Variants in CNIH4 observed in about 807,000 individuals in gnomAD.
CNIH4 encodes cornichon family member 4, also known as protein cornichon homolog 4.
In CNIH4, 9 loss-of-function variants were observed where a neutral mutation model predicts 21.5. That is an observed-to-expected ratio of 0.42 (90% confidence interval 0.25 to 0.73). The LOEUF (loss-of-function observed/expected upper bound fraction) is 0.73. CNIH4 is among the 30% of genes least tolerant of loss of function. The pLI is 0.27. For synonymous variants in CNIH4, 67 were observed against 59.1 expected (o/e 1.13, Z -0.61); for missense variants, 159 against 170.0 (o/e 0.94, Z 0.36).
rs4654036 is a variant in CNIH4, at chr1:224,377,588, C to T, written c.*1766C>T. 0.57 allele frequency: 86,180 copies of T among 151,168 alleles called. 28,337 individuals carry two copies. The highest frequency in any genetic ancestry group is 0.97 in the East Asian group (4,943 of 5,120). The allele number at this position is 151,168 out of a possible 1,614,324, so 9.4% of individuals were successfully genotyped here. On this transcript the variant is annotated 3_prime_UTR_variant, in exon 5 of 5. Coordinates refer to ENST00000465271, the MANE Select transcript of CNIH4 (RefSeq NM_014184.4). Reference sequence around the variant, plus strand: ...GCAACCTCTGCTTTCTGGGTTCAAGCGATTCTCCTGCCTCAGCCTCCCAAG... The same window carrying T: ...GCAACCTCTGCTTTCTGGGTTCAAGTGATTCTCCTGCCTCAGCCTCCCAAG...
chr1:224,356,982 T>G lies in CNIH4; in HGVS notation c.58T>G (p.Ser20Ala). 1.2e-6 allele frequency: 2 copies of G among 1,611,796 alleles called. No individual in the cohort carries two copies. The highest frequency in any genetic ancestry group is 1.7e-6 in the Non-Finnish European group (2 of 1,179,086). Residue 20 changes from serine (S) to alanine (A), a missense_variant, in exon 1 of 5, where the codon TCG becomes GCG. By Grantham distance (99) the Ser-to-Ala change is moderately conservative. Coordinates refer to ENST00000465271, the MANE Select transcript of CNIH4 (RefSeq NM_014184.4). ...CGATTGTTGCGCGCTCATCTTCCTC[T>G]CGGTCTACTTCGTATCCTTGCCTGA... The part of the protein sequence containing the change: ...LLDCCALIFL[S>A]VYFIITLSDL...
chr1:224,370,416 A>G (rs962721810), intron 3 of CNIH4, among the ~76,000 whole-genome samples: 1 of 152,208 alleles, frequency 6.6e-6, no homozygotes, highest in Non-Finnish European at 1.5e-5. Context: ...TGTGACAACT[A>G]AGGTTGTACT....
At chr1:224,374,134 G>A (rs889181002) in intron 4 of CNIH4, among the ~76,000 whole-genome samples, 10 of 152,164 alleles carry the variant, frequency 6.6e-5, no homozygotes, top group Non-Finnish European at 1.5e-4. Context: ...TTTGGTTGCT[G>A]TTTTTAAACA....
intron 2 of CNIH4, among the ~76,000 whole-genome samples, chr1:224,361,914 C>G (rs1202906042): frequency 1.3e-5 from 2 of 152,092 alleles, no homozygotes; most frequent in Non-Finnish European, 2.9e-5. Context: ...AAGGTAACTG[C>G]CAATTAAATT....
intron 3 of CNIH4, among the ~76,000 whole-genome samples, chr1:224,367,751 C>T (rs1672508716): frequency 6.6e-6 from 1 of 152,176 alleles, no homozygotes; most frequent in Admixed American, 6.5e-5. Context: ...GACCAACGCC[C>T]TAAAGTGAGC....
chr1:224,373,107 G>C (rs866361855), intron 4 of CNIH4, among the ~76,000 whole-genome samples: 7 of 152,088 alleles, frequency 4.6e-5, no homozygotes, highest in South Asian at 2.1e-4. Context: ...ACTGGTATCA[G>C]TTTCTGATTC....
At position 224,374,408 on chromosome 1, in the gene CNIH4, C is replaced by T. The variant is rs561347177; in HGVS notation, c.393-1387C>T. 2.2e-3 allele frequency among the ~76,000 whole-genome samples: 332 copies of T among 150,950 alleles called. 1 individual carries two copies. The Middle Eastern group carries it at 0.032, about 14-fold the overall frequency. On this transcript the variant is annotated intron_variant, in intron 4 of 4. Transcript: ENST00000465271. ...TTACACTGTGGCCTGGGGCAAGTTT[C>T]GTTTCTTTTTTTTTTTTCTTTTGAG...
Position 224,376,627 on chromosome 1 carries a change from G to T in CNIH4, c.*805G>T, listed in dbSNP as rs1035443176. The T allele has an allele frequency of 1.2e-5, 12 of 985,284 alleles. No individual in the cohort carries two copies. The African/African-American group carries it at 1.9e-4, about 16-fold the overall frequency. 61.0% of individuals were successfully genotyped at this position (985,284 alleles called of 1,614,324 possible). ...AAGATGCTAATCAGATTAGAAGCAG[G>T]AATAGTTATTTGCTGTCTGTGAAAT... is the stretch of plus-strand genomic sequence containing the variant. On this transcript the variant is annotated 3_prime_UTR_variant, in exon 5 of 5. Transcript: ENST00000465271.
At chr1:224,357,239 C>A (rs1403417087) in intron 1 of CNIH4, 4 of 438,540 alleles carry the variant, frequency 9.1e-6, no homozygotes, top group Non-Finnish European at 1.2e-5. Flanking sequence ...CCGCCCCTCA[C>A]TCGGGTCCGA....
intron 2 of CNIH4, 59 bp downstream of exon 2, chr1:224,360,622 GATT>G: frequency 1.2e-6 from 1 of 810,090 alleles, no homozygotes; most frequent in South Asian, 2.5e-5. Context: ...CCATACTTAA[GATT>G]ATTATAGATA....
rs1672791173 is a variant in CNIH4, at chr1:224,376,719, G to C, written c.*897G>C. 4 of 985,426 alleles carry C rather than the reference G, an allele frequency of 4.1e-6. No individual in the cohort carries two copies. Among genetic ancestry groups the C allele is most frequent in the Middle Eastern group, 5.2e-4 (1 of 1,914 alleles). The allele number at this position is 985,426 out of a possible 1,614,324, so 61.0% of individuals were successfully genotyped here. A position where few individuals can be genotyped will look rare whatever the true frequency, so the allele number is the denominator to read the frequency against. On this transcript the variant is annotated 3_prime_UTR_variant, in exon 5 of 5. Transcript: ENST00000465271. ...TATCCCTCTGCACTGACCACGTTGT[G>C]AACTGGGAGACCAAATGCAAGCCAT... is the stretch of plus-strand genomic sequence containing the variant.
At chr1:224,371,671 G>A (rs1174681723) in intron 4 of CNIH4, among the ~76,000 whole-genome samples, 3 of 152,138 alleles carry the variant, frequency 2.0e-5, no homozygotes, top group Non-Finnish European at 1.5e-5. Flanking sequence ...AACAGGGCAC[G>A]GTGACTTACG....
intron 3 of CNIH4, among the ~76,000 whole-genome samples, chr1:224,371,041 T>A (rs1190808963): frequency 6.6e-6 from 1 of 152,116 alleles, no homozygotes; most frequent in Non-Finnish European, 1.5e-5. Flanking sequence ...CATGCCCAGC[T>A]AATTTTTGTA....
At position 224,364,495 on chromosome 1, in the gene CNIH4, C is replaced by T. The variant is rs1012983672; in HGVS notation, c.139-1384C>T. On this transcript the variant is annotated intron_variant, in intron 2 of 4. Transcript: ENST00000465271. ...TATTTTACAGATGAAAACATTGTGG[C>T]TTAGAGAGGGTAACTTTTCCCAAGA... 2.0e-5 allele frequency: 11 copies of T among 556,550 alleles called. No individual in the cohort carries two copies. In the African/African-American group the frequency reaches 2.2e-4, roughly 11 times the overall value. The allele number at this position is 556,550 out of a possible 1,614,324, so 34.5% of individuals were successfully genotyped here. A position where few individuals can be genotyped will look rare whatever the true frequency, so the allele number is the denominator to read the frequency against.
Position 224,378,931 on chromosome 1 carries a change from C to A in CNIH4, c.*3109C>A. 2 of 796,774 alleles carry A rather than the reference C, an allele frequency of 2.5e-6. No homozygotes were observed. The highest frequency in any genetic ancestry group is 2.1e-5 in the Admixed American group (1 of 47,134). The allele number at this position is 796,774 out of a possible 1,614,324, so 49.4% of individuals were successfully genotyped here. On this transcript the variant is annotated 3_prime_UTR_variant, in exon 5 of 5. Coordinates refer to ENST00000465271, the MANE Select transcript of CNIH4 (RefSeq NM_014184.4). ...ATGCTGAGGCTTAGTCCAGTGTTCT[C>A]TCTCCCTTACCACTCCTCTTCCCCT...
Position 224,379,298 on chromosome 1 carries a change from T to C in CNIH4, c.*3476T>C. On this transcript the variant is annotated 3_prime_UTR_variant, in exon 5 of 5. Transcript: ENST00000465271. The stretch of plus-strand genomic sequence containing the variant: ...GCACTTACCACATTCTATCTGGTAT[T>C]ACAGTTATTTGTATGCAATTAATCA... 1.7e-6 allele frequency: 1 copy of C among 598,320 alleles called. No homozygotes were observed. Among genetic ancestry groups the C allele is most frequent in the Non-Finnish European group, 3.0e-6 (1 of 335,176 alleles). The allele number at this position is 598,320 out of a possible 1,614,324, so 37.1% of individuals were successfully genotyped here. A position where few individuals can be genotyped will look rare whatever the true frequency, so the allele number is the denominator to read the frequency against.
chr1:224,366,606 C>T lies in CNIH4; in HGVS notation c.251+615C>T, dbSNP rs184817823. Among the ~76,000 whole-genome samples the T allele has an allele frequency of 6.6e-5, 10 of 152,014 alleles. No homozygotes were observed. The East Asian group carries it at 2.0e-3, about 30-fold the overall frequency. ...TCAAGTGATCCGCCCACCTTAGCCT[C>T]TCAAAGTGCTGGGATTACAGGTGTG... is the stretch of plus-strand genomic sequence containing the variant. On this transcript the variant is annotated intron_variant, in intron 3 of 4. Transcript: ENST00000465271.
In CNIH4 at chr1:224,378,833, G is replaced by A; in HGVS notation, c.*3011G>A. On this transcript the variant is annotated 3_prime_UTR_variant, in exon 5 of 5. Coordinates refer to ENST00000465271, the MANE Select transcript of CNIH4 (RefSeq NM_014184.4). ...ATGCTGAGGCCTAGAGATCGTTCAG[G>A]GTGTTGTAACTGGGAACATCTGAAT... is the stretch of plus-strand genomic sequence containing the variant. The A allele has an allele frequency of 7.5e-6, 2 of 266,922 alleles. No individual in the cohort carries two copies. The highest frequency in any genetic ancestry group is 1.4e-5 in the Non-Finnish European group (2 of 140,390). 16.5% of individuals were successfully genotyped at this position (266,922 alleles called of 1,614,324 possible).
chr1:224,369,040 C>T (rs1672548820), intron 3 of CNIH4, among the ~76,000 whole-genome samples: 1 of 151,936 alleles, frequency 6.6e-6, no homozygotes, highest in African/African-American at 2.4e-5. Context: ...CAGCGACCAT[C>T]CCACTCATGG....
Sources: allele counts gnomAD v4.1 joint callset (sites outside exome capture counted in the v4.1 genomes callset), GRCh38; gene constraint gnomAD v4.1.1; transcripts MANE v1.5; gene names NCBI Gene and HGNC (gene_info 2026-07-23, HGNC 2026-07-21).